ZNF385D: variants seen among roughly 807,000 people sequenced by gnomAD.
ZNF385D encodes zinc finger protein 659.
In ZNF385D, 15 loss-of-function variants were observed where a neutral mutation model predicts 35.8. The observed-to-expected ratio is 0.42, with a 90% CI of 0.28 to 0.64. ZNF385D has a LOEUF of 0.64. ZNF385D is among the 30% of genes least tolerant of loss of function. ZNF385D has a pLI of 0.23. For missense variants in ZNF385D, 474 were observed against 494.6 expected (o/e 0.96, Z 0.39); for synonymous variants, 212 against 186.8 (o/e 1.13, Z -1.10).
intron 3 of ZNF385D, among the ~76,000 whole-genome samples, chr3:21,961,827 A>T (rs1343954617): frequency 6.6e-6 from 1 of 152,122 alleles, no homozygotes; most frequent in Admixed American, 6.6e-5. Flanking sequence ...ATGGGGAGCA[A>T]CTCTGAAAGA....
intron 3 of ZNF385D, among the ~76,000 whole-genome samples, chr3:21,859,298 G>T (rs1432201421): frequency 2.6e-5 from 4 of 151,944 alleles, no homozygotes. Context: ...CAGGAAGAAA[G>T]CTTGGAACAA....
intron 2 of ZNF385D, among the ~76,000 whole-genome samples, chr3:21,594,706 G>C (rs544420256): frequency 1.3e-5 from 2 of 152,150 alleles, no homozygotes; most frequent in South Asian, 4.2e-4. Flanking sequence ...AAATTGCCCT[G>C]TGCCTTCCCT....
At chr3:21,594,450 C>CCAAT (rs2064072367) in intron 2 of ZNF385D, among the ~76,000 whole-genome samples, 1 of 152,134 alleles carries the variant, frequency 6.6e-6, no homozygotes, top group South Asian at 2.1e-4. Context: ...AGGGAAAATG[C>CCAAT]CAATCAACAG....
chr3:22,117,278 A>G (rs1368121694), intron 3 of ZNF385D, among the ~76,000 whole-genome samples: 2 of 152,060 alleles, frequency 1.3e-5, no homozygotes, highest in East Asian at 3.9e-4. Flanking sequence ...ACTCAGAGCA[A>G]TATACTTTGA....
At chr3:22,262,841 C>T (rs1232218047) in intron 2 of ZNF385D, among the ~76,000 whole-genome samples, 1 of 151,870 alleles carries the variant, frequency 6.6e-6, no homozygotes, top group Non-Finnish European at 1.5e-5. Context: ...TGGTCTTCGT[C>T]CCCTCTTCCC....
chr3:22,252,958 T>A (rs1700136816), intron 2 of ZNF385D, among the ~76,000 whole-genome samples: 1 of 152,046 alleles, frequency 6.6e-6, no homozygotes, highest in Admixed American at 6.6e-5. Context: ...AGCATTCTTT[T>A]AAAACCCAGC....
At chr3:22,132,852 C>G (rs1299677343) in intron 3 of ZNF385D, among the ~76,000 whole-genome samples, 1 of 151,882 alleles carries the variant, frequency 6.6e-6, no homozygotes, top group Admixed American at 6.6e-5. Flanking sequence ...ATGTAAAGCG[C>G]TAAAGATATT....
chr3:21,639,293 G>A (rs957733135), intron 2 of ZNF385D, among the ~76,000 whole-genome samples: 1 of 151,840 alleles, frequency 6.6e-6, no homozygotes, highest in Non-Finnish European at 1.5e-5. Context: ...CCACTAAAAT[G>A]CAGGCGGCAT....
rs1553603611 is a variant in ZNF385D at position 21,508,980 on chromosome 3, T to TTTA, written c.439+1880_439+1881insTAA. Reference sequence around the variant, plus strand: ...AACACACCTGGGGGCTTTTTTTTTTTTTCTTTTTCTTTTTTGAGATGGAGT... The same window carrying TTTA: ...AACACACCTGGGGGCTTTTTTTTTTTTTATTCTTTTTCTTTTTTGAGATGGAGT... On this transcript the variant is annotated intron_variant, in intron 4 of 7. Transcript: ENST00000281523. 1.0e-4 allele frequency among the ~76,000 whole-genome samples: 15 copies of TTTA among 146,372 alleles called. 1 individual carries two copies. The South Asian group carries it at 3.3e-3, about 32-fold the overall frequency.
intron 1 of ZNF385D, among the ~76,000 whole-genome samples, chr3:21,697,136 G>T (rs1187204879): frequency 6.6e-6 from 1 of 152,076 alleles, no homozygotes. Flanking sequence ...TAGCCTCCTT[G>T]TACCTCTGCT....
chr3:21,641,156 C>T (rs1013834133), intron 2 of ZNF385D, among the ~76,000 whole-genome samples: 4 of 152,098 alleles, frequency 2.6e-5, no homozygotes, highest in African/African-American at 9.7e-5. Flanking sequence ...GTAACTATTT[C>T]CTCACAAGTT....
intron 3 of ZNF385D, among the ~76,000 whole-genome samples, chr3:21,910,423 G>A (rs1228350177): frequency 6.6e-6 from 1 of 151,896 alleles, no homozygotes; most frequent in East Asian, 1.9e-4. Flanking sequence ...GAGAGCCTTT[G>A]CACTTACCTT....
intron 4 of ZNF385D, among the ~76,000 whole-genome samples, chr3:21,480,107 T>C (rs1420958912): frequency 1.3e-5 from 2 of 150,708 alleles, no homozygotes; most frequent in Non-Finnish European, 3.0e-5. Flanking sequence ...AGAATTTTTT[T>C]TTTTTTTTTT....
chr3:21,814,005 C>T (rs142979316), intron 3 of ZNF385D, among the ~76,000 whole-genome samples: 1,615 of 152,260 alleles, frequency 0.011, 30 homozygotes, highest in African/African-American at 0.037. Flanking sequence ...GCAGATCTCT[C>T]GGCAGAAACC....
chr3:21,702,732 C>T (rs961666564), intron 1 of ZNF385D, among the ~76,000 whole-genome samples: 1 of 152,218 alleles, frequency 6.6e-6, no homozygotes, highest in Non-Finnish European at 1.5e-5. Context: ...ACCAGATACC[C>T]TAAATCATCT....
At chr3:22,201,501 T>C (rs997877098) in intron 2 of ZNF385D, among the ~76,000 whole-genome samples, 2 of 152,072 alleles carry the variant, frequency 1.3e-5, no homozygotes, top group African/African-American at 2.4e-5. Context: ...TTTAGAGAAA[T>C]ACATTTTCAT....
At chr3:21,954,156 T>G (rs2125303969) in intron 3 of ZNF385D, among the ~76,000 whole-genome samples, 2 of 151,868 alleles carry the variant, frequency 1.3e-5, no homozygotes, top group South Asian at 4.2e-4. Flanking sequence ...AGTCACGTCT[T>G]CTGATTGCTT....
rs76345361 is a variant in ZNF385D, at chr3:21,994,581, C to T, written c.325+174236G>A. Among the ~76,000 whole-genome samples, 385 of 151,978 alleles carry T rather than the reference C, an allele frequency of 2.5e-3. 2 individuals are homozygous for T. Among genetic ancestry groups the T allele is most frequent in the African/African-American group, 8.9e-3 (367 of 41,458 alleles). On this transcript the variant is annotated intron_variant, in intron 3 of 5. Coordinates refer to the ZNF385D transcript ENST00000494108. ...CTATTGCTTGAGAATTATTGTGTTC[C>T]TTCAGAAATGTTATGTTAGCTTGCT...
At chr3:22,306,870 C>A (rs932819583) in intron 2 of ZNF385D, among the ~76,000 whole-genome samples, 1 of 152,010 alleles carries the variant, frequency 6.6e-6, no homozygotes, top group Admixed American at 6.6e-5. Flanking sequence ...GAAGAACTAC[C>A]CCTGTACTCA....
Sources: allele counts gnomAD v4.1 joint callset (sites outside exome capture counted in the v4.1 genomes callset), GRCh38; gene constraint gnomAD v4.1.1; transcripts MANE v1.5; gene names NCBI Gene and HGNC (gene_info 2026-07-23, HGNC 2026-07-21).